The following BCL6 variants were observed in gnomAD, a reference collection of about 807,000 sequenced individuals.
The protein encoded by BCL6 is BCL6 transcription repressor, also known as B-cell lymphoma 6 protein.
In BCL6, 7 loss-of-function variants were observed where a neutral mutation model predicts 59.5. The observed-to-expected ratio is 0.12, with a 90% confidence interval of 0.07 to 0.22. The LOEUF is 0.22. Among genes scored for constraint, BCL6 ranks in the 10% least tolerant of loss-of-function variants. The probability of loss-of-function intolerance (pLI) is 1.00; values close to 1 mark genes in which losing one functional copy is unlikely to be tolerated. For missense variants in BCL6, 685 were observed against 939.4 expected (o/e 0.73, Z 3.54); for synonymous variants, 339 against 349.7 (o/e 0.97, Z 0.34).
intron 1 of BCL6, among the ~76,000 whole-genome samples, chr3:187,745,105 T>G (rs536787372): frequency 6.6e-6 from 1 of 152,036 alleles, no homozygotes; most frequent in Non-Finnish European, 1.5e-5. Flanking sequence ...AACCGGCCGA[T>G]TCACTCAAAG....
intron 1 of BCL6, among the ~76,000 whole-genome samples, 183 bp downstream of exon 1, chr3:187,745,227 T>G (rs557349083): frequency 3.9e-5 from 6 of 152,130 alleles, no homozygotes; most frequent in Admixed American, 1.3e-4. Context: ...AATAAATATA[T>G]ACATTTATAT....
Position 187,721,494 on chromosome 3 carries a change from C to T in BCL6, c.*964G>A, listed in dbSNP as rs145896484. On this transcript the variant is annotated 3_prime_UTR_variant, in exon 10 of 10. Transcript: ENST00000406870. This position sits in a 1 kb window ranked among gnomAD's most constrained non-coding sequence, Gnocchi z 4.2. ...CGGAGTAGTTATAACACAAGCATGACGCAGAATGGGATGAGACAAACATTC... is the reference window on the plus strand; with the variant it reads ...CGGAGTAGTTATAACACAAGCATGATGCAGAATGGGATGAGACAAACATTC... The T allele has an allele frequency of 5.1e-5, 12 of 233,070 alleles. 1 individual carries two copies. The highest frequency in any genetic ancestry group is 1.5e-4 in the African/African-American group (7 of 45,376). 14.4% of individuals were successfully genotyped at this position (233,070 alleles called of 1,614,324 possible).
Position 187,729,891 on chromosome 3 carries a change from C to T in BCL6, c.514G>A (p.Ala172Thr), listed in dbSNP as rs568417048. ...AAGGCTCTGCTCTCACACCCAGGGG[C>T]GCTCCTCAGTGGCAGGTTGTTCTCC... ...VVENNLPLRS[A>T]PGCESRAFAP... The change falls in exon 5 of 10, where the codon GCC becomes ACC. Residue 172 changes from alanine to threonine, a missense_variant. This residue lies in a region of BCL6 where 268 missense variants were observed against 263.8 expected (regional missense o/e 1.02). Coordinates refer to ENST00000406870, the MANE Select transcript of BCL6 (RefSeq NM_001706.5). This position sits in a 1 kb window ranked among gnomAD's most constrained non-coding sequence, Gnocchi z 5.6. 2.9e-5 allele frequency: 47 copies of T among 1,614,098 alleles called. No homozygotes were observed. The highest frequency in any genetic ancestry group is 2.0e-4 in the East Asian group (9 of 44,878).
At chr3:187,744,412 T>A (rs1711776530) in intron 1 of BCL6, among the ~76,000 whole-genome samples, 2 of 150,076 alleles carry the variant, frequency 1.3e-5, no homozygotes, top group Admixed American at 6.6e-5. Flanking sequence ...CTCCCTCGAC[T>A]ACAACCAAGA....
At chr3:187,723,348 T>C (rs1660504815) in intron 9 of BCL6, among the ~76,000 whole-genome samples, 1 of 152,090 alleles carries the variant, frequency 6.6e-6, no homozygotes, top group Non-Finnish European at 1.5e-5. Context: ...GATGACTAAA[T>C]GTAATGGGGT....
intron 1 of BCL6, among the ~76,000 whole-genome samples, chr3:187,735,183 C>T (rs929061822): frequency 1.3e-5 from 2 of 152,158 alleles, no homozygotes; most frequent in Non-Finnish European, 2.9e-5. Flanking sequence ...ACATATATTT[C>T]CTTCTTCAAA....
chr3:187,740,954 C>CATCT (rs1443002766), intron 1 of BCL6, among the ~76,000 whole-genome samples: 2 of 152,222 alleles, frequency 1.3e-5, no homozygotes, highest in Non-Finnish European at 2.9e-5. Context: ...TCAGTCCTAG[C>CATCT]ATCTGGTCAG....
At position 187,729,826 on chromosome 3, in the gene BCL6, G is replaced by A. The variant is rs755165370; in HGVS notation, c.579C>T (p.Ala193=). 2 of 1,613,994 alleles carry A rather than the reference G, an allele frequency of 1.2e-6. No homozygotes were observed. Among genetic ancestry groups the A allele is most frequent in the Non-Finnish European group, 1.7e-6 (2 of 1,180,018 alleles). The part of the protein sequence containing the change: ...SLYSGLSTPP[A]SYSMYSHLPV... ...GGAGGTGGCTGTACATGGAATAAGAGGCTGGCGGTGTGGACAGGCCACTGT... is the reference window on the plus strand; with the variant it reads ...GGAGGTGGCTGTACATGGAATAAGAAGCTGGCGGTGTGGACAGGCCACTGT... The change falls in exon 5 of 10, where the codon GCC becomes GCT. Residue 193 remains alanine, a synonymous_variant. Coordinates refer to ENST00000406870, the MANE Select transcript of BCL6 (RefSeq NM_001706.5). This position sits in a 1 kb window ranked among gnomAD's most constrained non-coding sequence, Gnocchi z 5.6.
intron 1 of BCL6, among the ~76,000 whole-genome samples, chr3:187,745,103 G>A (rs1576886270): frequency 1.3e-5 from 2 of 152,096 alleles, no homozygotes; most frequent in Admixed American, 6.5e-5. Flanking sequence ...CAAACCGGCC[G>A]ATTCACTCAA....
chr3:187,739,292 C>T (rs565565634), intron 1 of BCL6, among the ~76,000 whole-genome samples: 15 of 152,372 alleles, frequency 9.8e-5, no homozygotes, highest in African/African-American at 3.6e-4. Context: ...ATCAGGGGCC[C>T]TGCCGTGGGG....
At chr3:187,724,676 C>T (rs1307129635) in intron 9 of BCL6, 2 of 482,618 alleles carry the variant, frequency 4.1e-6, no homozygotes, top group South Asian at 4.5e-5. Context: ...AGACTCCTCT[C>T]CTAAGGCCCA....
At chr3:187,744,075 T>C (rs1400235917) in intron 1 of BCL6, among the ~76,000 whole-genome samples, 2 of 152,138 alleles carry the variant, frequency 1.3e-5, no homozygotes, top group South Asian at 2.1e-4. Flanking sequence ...AAGCCTGGCG[T>C]CCACTACGCT....
chr3:187,725,541 C>T lies in BCL6; in HGVS notation c.1797G>A (p.Glu599=), dbSNP rs2108557608. Residue 599 remains glutamate, a synonymous_variant, in exon 8 of 10, where the codon GAG becomes GAA. Transcript: ENST00000406870. This position sits in a 1 kb window ranked among gnomAD's most constrained non-coding sequence, Gnocchi z 4.7. ...LKTHTRIHSG[E]KPYKCETCGA... ...CGCAGGTTTCGCATTTGTAGGGCTTCTCTCCAGAGTGAATTCGAGTGTGGG... is the reference window on the plus strand; with the variant it reads ...CGCAGGTTTCGCATTTGTAGGGCTTTTCTCCAGAGTGAATTCGAGTGTGGG... 7 of 1,614,228 alleles carry T rather than the reference C, an allele frequency of 4.3e-6. No homozygotes were observed. The highest frequency in any genetic ancestry group is 5.9e-6 in the Non-Finnish European group (7 of 1,180,042).
chr3:187,745,332 G>A (rs997940494), intron 1 of BCL6, 78 bp downstream of exon 1: 7 of 401,088 alleles, frequency 1.7e-5, no homozygotes, highest in Non-Finnish European at 3.1e-5. Context: ...GAGCAGCGGC[G>A]GCGGCAGCGG....
chr3:187,744,442 T>G (rs995379075), intron 1 of BCL6, among the ~76,000 whole-genome samples: 1 of 151,762 alleles, frequency 6.6e-6, no homozygotes, highest in African/African-American at 2.4e-5. Flanking sequence ...TTTCAAAGTG[T>G]TCAACATCCC....
intron 1 of BCL6, among the ~76,000 whole-genome samples, chr3:187,743,604 G>A (rs1711703784): frequency 1.3e-5 from 2 of 152,200 alleles, no homozygotes; most frequent in East Asian, 1.9e-4. Flanking sequence ...TGCAACACTA[G>A]TTCCATTTTT....
chr3:187,733,915 G>A (rs1719164873), intron 2 of BCL6: 1 of 574,698 alleles, frequency 1.7e-6, no homozygotes, highest in Non-Finnish European at 3.1e-6. Flanking sequence ...AGTTGGGATA[G>A]AAAGCCCTTT....
At chr3:187,744,052 C>T (rs961592794) in intron 1 of BCL6, among the ~76,000 whole-genome samples, 1 of 152,156 alleles carries the variant, frequency 6.6e-6, no homozygotes, top group Admixed American at 6.5e-5. Context: ...AAGGTAAGGA[C>T]CTCGGGAATC....
At position 187,725,374 on chromosome 3, in the gene BCL6, C is replaced by G. The variant is rs1258757837; in HGVS notation, c.1839+125G>C. On this transcript the variant is annotated intron_variant, in intron 8 of 9. Transcript: ENST00000406870. This position sits in a 1 kb window ranked among gnomAD's most constrained non-coding sequence, Gnocchi z 4.7. ...ACTTTCTCCTGCCCGCTCTGCTCAC[C>G]TGCCCGCTCCGCTTGCCTGCCCGCT... 2 of 1,526,992 alleles carry G rather than the reference C, an allele frequency of 1.3e-6. No individual in the cohort carries two copies. The highest frequency in any genetic ancestry group is 1.8e-6 in the Non-Finnish European group (2 of 1,138,380). The allele number at this position is 1,526,992 out of a possible 1,614,324, so 94.6% of individuals were successfully genotyped here.
Sources: allele counts gnomAD v4.1 joint callset (sites outside exome capture counted in the v4.1 genomes callset), GRCh38; gene constraint gnomAD v4.1.1; regional missense constraint gnomAD v4.1.1; non-coding constraint Gnocchi (gnomAD v3.1); transcripts MANE v1.5; gene names NCBI Gene and HGNC (gene_info 2026-07-23, HGNC 2026-07-21).